The following USP6 variants were observed in gnomAD, a reference collection of about 807,000 sequenced individuals.
The protein encoded by USP6 is ubiquitin carboxyl-terminal hydrolase 6.
USP6 carries 128 observed loss-of-function variants against 175.7 expected under a neutral mutation model. The observed-to-expected ratio is 0.73, with a 90% CI of 0.63 to 0.84. The LOEUF is 0.84. USP6 is among the 40% of genes least tolerant of loss of function. The pLI is 0.00. For synonymous variants in USP6, 562 were observed against 630.6 expected, an observed-to-expected ratio of 0.89 and a Z score of 1.63; for missense variants, 1,498 against 1,760.3, an observed-to-expected ratio of 0.85 and a Z score of 2.67.
At chr17:5,169,764 C>G (rs755291951) in intron 35 of USP6, among the ~76,000 whole-genome samples, 1 of 152,198 alleles carries the variant, frequency 6.6e-6, no homozygotes, top group Non-Finnish European at 1.5e-5. Flanking sequence ...CATAAAAATA[C>G]TGAGAAAATA....
In USP6 at chr17:5,162,741, A is replaced by G. The variant is rs538185559; in HGVS notation, c.2916-143A>G. 11 of 1,164,574 alleles carry G rather than the reference A, an allele frequency of 9.4e-6. No homozygotes were observed. The East Asian group carries it at 2.7e-4, about 28-fold the overall frequency. The allele number at this position is 1,164,574 out of a possible 1,614,324, so 72.1% of individuals were successfully genotyped here. On this transcript the variant is annotated intron_variant, in intron 32 of 37. Transcript: ENST00000574788. ...ATTAATAAGTATCCTTACATTTATC[A>G]GAGTCTGAAGTTAGAAGCCCATGAC...
At chr17:5,135,727 C>T in intron 16 of USP6, 81 bp from the exon 17 acceptor site, 6 of 1,596,610 alleles carry the variant, frequency 3.8e-6, no homozygotes, top group Non-Finnish European at 5.1e-6. Flanking sequence ...TCACCTCTGC[C>T]CTCTCCAATG....
At chr17:5,139,703 A>G (rs1263995132) in intron 22 of USP6, 29 bp downstream of exon 22, 3 of 1,601,568 alleles carry the variant, frequency 1.9e-6, no homozygotes, top group Admixed American at 1.7e-5. Flanking sequence ...GCACTGAGCC[A>G]CAATGTGGGC....
intron 30 of USP6, among the ~76,000 whole-genome samples, chr17:5,153,006 C>T (rs2073806973): frequency 6.6e-6 from 1 of 151,210 alleles, no homozygotes; most frequent in African/African-American, 2.4e-5. Flanking sequence ...AAAAAACAAA[C>T]AAAAAAAATG....
chr17:5,164,097 G>A (rs907602016), intron 33 of USP6, among the ~76,000 whole-genome samples: 6 of 152,196 alleles, frequency 3.9e-5, no homozygotes, highest in Non-Finnish European at 7.4e-5. Context: ...AGTCACATGA[G>A]GAATTGTAGT....
At chr17:5,153,856 G>T (rs1022200233) in intron 30 of USP6, among the ~76,000 whole-genome samples, 1 of 151,970 alleles carries the variant, frequency 6.6e-6, no homozygotes, top group Non-Finnish European at 1.5e-5. Flanking sequence ...GGGTTTCACC[G>T]TATTGGCCAG....
chr17:5,172,576 T>C (rs548612356), intron 37 of USP6, among the ~76,000 whole-genome samples: 183 of 152,250 alleles, frequency 1.2e-3, no homozygotes, highest in African/African-American at 4.2e-3. Context: ...TTGATGGGGT[T>C]TTAGGTCATT....
chr17:5,140,079 C>A (rs531413338), intron 22 of USP6, among the ~76,000 whole-genome samples: 2 of 152,124 alleles, frequency 1.3e-5, no homozygotes, highest in African/African-American at 4.8e-5. Context: ...CCACGACCAG[C>A]GTTCTGAATT....
chr17:5,168,909 C>T lies in USP6; in HGVS notation c.3371C>T (p.Thr1124Ile). 3.7e-6 allele frequency: 6 copies of T among 1,614,004 alleles called. No homozygotes were observed. Among genetic ancestry groups the T allele is most frequent in the Non-Finnish European group, 5.1e-6 (6 of 1,179,876 alleles). The change falls in exon 35 of 38, where the codon ACA becomes ATA. Residue 1124 changes from threonine to isoleucine, a missense_variant. Physicochemically the swap from Thr to Ile is moderately conservative, Grantham distance 89. Around this residue, in one of 2 missense-constraint regions of USP6, gnomAD observed 1,217 missense variants for 1,500.8 expected, o/e 0.81. Coordinates refer to ENST00000574788, the MANE Select transcript of USP6 (RefSeq NM_001304284.2). The stretch of plus-strand genomic sequence containing the variant: ...GCCCTCTGCCAGCATAAACCACTCA[C>T]ACCCCAGGGGGATGAGCTCTCCAAG... ...DPALCQHKPL[T>I]PQGDELSKPR...
chr17:5,130,215 TG>T, intron 9 of USP6, 126 bp downstream of exon 9: 1 of 687,064 alleles, frequency 1.5e-6, no homozygotes, highest in Non-Finnish European at 2.6e-6. Context: ...CATGGAGGTG[TG>T]GGCCATGGGG....
rs1018866241 is a variant in USP6 at position 5,173,074 on chromosome 17, G to A, written c.*96G>A. 17 of 1,445,996 alleles carry A rather than the reference G, an allele frequency of 1.2e-5. No homozygotes were observed. The highest frequency in any genetic ancestry group is 1.6e-5 in the Non-Finnish European group (17 of 1,069,668). The allele number at this position is 1,445,996 out of a possible 1,614,324, so 89.6% of individuals were successfully genotyped here. The stretch of plus-strand genomic sequence containing the variant: ...AGTGTCACTGAAAGACAAGCTAAAT[G>A]TAGTTATTTTATCCTGTTAGAACAA... On this transcript the variant is annotated 3_prime_UTR_variant, in exon 38 of 38. Transcript: ENST00000574788.
intron 15 of USP6, 168 bp downstream of exon 15, chr17:5,134,164 C>T: frequency 1.4e-6 from 1 of 696,490 alleles, no homozygotes. Context: ...TCCCTGGTTC[C>T]AAGCCCTGGG....
In USP6 at chr17:5,144,682, A is replaced by G. The variant is rs1214158909; in HGVS notation, c.1819-8A>G. 5.6e-6 allele frequency: 9 copies of G among 1,613,138 alleles called. No individual in the cohort carries two copies. Among genetic ancestry groups the G allele is most frequent in the Non-Finnish European group, 7.6e-6 (9 of 1,179,694 alleles). The stretch of plus-strand genomic sequence containing the variant: ...AAATAATGACTGTGACTTCTCTTAT[A>G]TTTATAGCGGACCATAGCAAAATAT... On this transcript the variant is annotated splice_region_variant and splice_polypyrimidine_tract_variant and intron_variant, in intron 25 of 37. Transcript: ENST00000574788.
At chr17:5,146,417 A>G (rs1247209105) in intron 28 of USP6, among the ~76,000 whole-genome samples, 1 of 152,162 alleles carries the variant, frequency 6.6e-6, no homozygotes, top group Non-Finnish European at 1.5e-5. Flanking sequence ...GGCTGCCTAT[A>G]TGGAGTGTTT....
chr17:5,151,987 C>G (rs2073783588), intron 30 of USP6, among the ~76,000 whole-genome samples: 1 of 151,922 alleles, frequency 6.6e-6, no homozygotes, highest in Non-Finnish European at 1.5e-5. Flanking sequence ...GCCTATAATC[C>G]CAGCACTTTG....
At position 5,133,480 on chromosome 17, in the gene USP6, T is replaced by C. The variant is rs781401038; in HGVS notation, c.314T>C (p.Ile105Thr). The C allele has an allele frequency of 2.5e-6, 4 of 1,611,548 alleles. No individual in the cohort carries two copies. The highest frequency in any genetic ancestry group is 1.7e-5 in the Admixed American group (1 of 59,988). Residue 105 changes from isoleucine to threonine, a missense_variant, in exon 14 of 38, where the codon ATC becomes ACC. Transcript: ENST00000574788. The part of the protein sequence containing the change: ...DRVYKGIPMN[I>T]RGPVWSVLLN... ...GTGTACAAGGGAATTCCCATGAACA[T>C]CCGGGGCCCGGTGTGGTCAGTCCTC...
At chr17:5,138,625 A>G (rs1478603151) in intron 21 of USP6, among the ~76,000 whole-genome samples, 1 of 152,130 alleles carries the variant, frequency 6.6e-6, no homozygotes, top group Non-Finnish European at 1.5e-5. Context: ...AAGCACCCAC[A>G]GCCTCAGAGA....
At chr17:5,154,225 A>T (rs78064492) in intron 30 of USP6, among the ~76,000 whole-genome samples, 15,374 of 152,284 alleles carry the variant, frequency 0.1, 893 homozygotes, top group Middle Eastern at 0.12. Context: ...AATGCTTAAT[A>T]ATCTGAATAA....
At position 5,168,741 on chromosome 17, in the gene USP6, G is replaced by A. The variant is rs1555606847; in HGVS notation, c.3229-26G>A. The A allele has an allele frequency of 1.3e-5, 20 of 1,534,120 alleles. 1 individual carries two copies. The highest frequency in any genetic ancestry group is 9.1e-5 in the East Asian group (4 of 44,034). On this transcript the variant is annotated intron_variant, in intron 34 of 37. Transcript: ENST00000574788. ...TTGTATCTTCAGAACCCTTTAATGCGATGTTTTCTACCTTTACTTCTCCAG... is the reference window on the plus strand; with the variant it reads ...TTGTATCTTCAGAACCCTTTAATGCAATGTTTTCTACCTTTACTTCTCCAG...
Sources: allele counts gnomAD v4.1 joint callset (sites outside exome capture counted in the v4.1 genomes callset), GRCh38; gene constraint gnomAD v4.1.1; regional missense constraint gnomAD v4.1.1; transcripts MANE v1.5; gene names NCBI Gene and HGNC (gene_info 2026-07-23, HGNC 2026-07-21).